Variants in SCLT1 observed in about 807,000 individuals in gnomAD.
SCLT1 encodes sodium channel and clathrin linker 1, also known as sodium channel-associated protein 1.
A neutral mutation model predicts 112.8 loss-of-function variants in SCLT1; 78 were observed. The observed-to-expected ratio is 0.69, with a 90% CI of 0.58 to 0.83. The LOEUF (loss-of-function observed/expected upper bound fraction) is 0.83. Among genes scored for constraint, SCLT1 ranks in the 40% least tolerant of loss-of-function variants. The probability of loss-of-function intolerance (pLI) is 0.00; values close to 1 mark genes in which losing one functional copy is unlikely to be tolerated. For synonymous variants in SCLT1, 257 were observed against 254.7 expected (o/e 1.01, Z -0.09); for missense variants, 747 against 770.4 (o/e 0.97, Z 0.36).
intron 17 of SCLT1, among the ~76,000 whole-genome samples, chr4:128,937,090 C>T (rs535883640): frequency 2.3e-4 from 35 of 151,872 alleles, no homozygotes; most frequent in Non-Finnish European, 4.9e-4. Flanking sequence ...GCAGCCTGAC[C>T]AACATGGTGA....
At chr4:128,959,530 T>C (rs980220287) in intron 12 of SCLT1, 70 bp downstream of exon 12, 10 of 1,131,826 alleles carry the variant, frequency 8.8e-6, no homozygotes, top group African/African-American at 1.5e-5. Context: ...ATTGAATCCC[T>C]TACTGTGAGG....
chr4:128,881,948 C>T (rs569385041), downstream of SCLT1, among the ~76,000 whole-genome samples: 8 of 152,136 alleles, frequency 5.3e-5, no homozygotes, highest in South Asian at 2.1e-4. Context: ...TATCTAAGTA[C>T]GCAAGGAGAT....
chr4:129,042,863 A>T (rs533363368), intron 4 of SCLT1, among the ~76,000 whole-genome samples: 1 of 152,134 alleles, frequency 6.6e-6, no homozygotes, highest in South Asian at 2.1e-4. Flanking sequence ...TCACGAGGTC[A>T]GGAGATCGAG....
rs940392805 is a variant in SCLT1 at position 128,996,948 on chromosome 4, A to T, written c.615+926T>A. Among the ~76,000 whole-genome samples, 11 of 152,042 alleles carry T rather than the reference A, an allele frequency of 7.2e-5. 1 individual carries two copies. The South Asian group carries it at 2.1e-3, about 29-fold the overall frequency. On this transcript the variant is annotated intron_variant, in intron 8 of 20. Coordinates refer to ENST00000281142, the MANE Select transcript of SCLT1 (RefSeq NM_144643.4). Reference sequence around the variant, plus strand: ...CATATTGAAGAAGTAATGAATAATTATGATGCTAGGTTAAAGTACTAATTC... The same window carrying T: ...CATATTGAAGAAGTAATGAATAATTTTGATGCTAGGTTAAAGTACTAATTC...
chr4:128,936,913 T>C, intron 17 of SCLT1, 62 bp from the exon 18 acceptor site: 1 of 673,870 alleles, frequency 1.5e-6, no homozygotes, highest in Non-Finnish European at 2.3e-6. Flanking sequence ...TACAGATCAA[T>C]GATATATACA....
At chr4:128,929,544 A>T (rs1050808084) in intron 18 of SCLT1, among the ~76,000 whole-genome samples, 3 of 152,254 alleles carry the variant, frequency 2.0e-5, no homozygotes, top group African/African-American at 7.2e-5. Context: ...AAATGGCTGT[A>T]ATTAGGTATC....
chr4:128,941,907 C>T (rs577966316), intron 17 of SCLT1, among the ~76,000 whole-genome samples: 1 of 152,076 alleles, frequency 6.6e-6, no homozygotes, highest in East Asian at 1.9e-4. Flanking sequence ...AGCCAGTTTT[C>T]CCCCCACTGA....
intron 5 of SCLT1, among the ~76,000 whole-genome samples, chr4:129,031,794 C>T (rs1468167826): frequency 6.6e-6 from 1 of 151,320 alleles, no homozygotes; most frequent in Non-Finnish European, 1.5e-5. Flanking sequence ...CAAACCACTG[C>T]TCAAGAGAGG....
chr4:128,995,662 G>T (rs1742952203), intron 8 of SCLT1, among the ~76,000 whole-genome samples: 1 of 152,118 alleles, frequency 6.6e-6, no homozygotes, highest in Non-Finnish European at 1.5e-5. Context: ...GATGCTGGCA[G>T]CTGTGGCTTT....
chr4:128,880,670 A>G (rs1042416619), downstream of SCLT1, among the ~76,000 whole-genome samples: 1 of 152,220 alleles, frequency 6.6e-6, no homozygotes, highest in Non-Finnish European at 1.5e-5. Context: ...CAAAAAAGCT[A>G]ACATAATTTT....
chr4:128,928,732 T>C (rs1736506675), intron 18 of SCLT1, among the ~76,000 whole-genome samples: 1 of 152,026 alleles, frequency 6.6e-6, no homozygotes, highest in African/African-American at 2.4e-5. Context: ...CTTGGGAGGC[T>C]GAGGCAGGAG....
chr4:129,049,530 A>C (rs1196464232), intron 2 of SCLT1, among the ~76,000 whole-genome samples: 1 of 149,826 alleles, frequency 6.7e-6, no homozygotes, highest in Non-Finnish European at 1.5e-5. Context: ...CCTAACGCTA[A>C]ATGACGAGTT....
intron 18 of SCLT1, among the ~76,000 whole-genome samples, chr4:128,893,831 G>A (rs1395954052): frequency 6.6e-6 from 1 of 152,174 alleles, no homozygotes; most frequent in East Asian, 1.9e-4. Flanking sequence ...GTGAGCCACT[G>A]TGCCCAGCCC....
chr4:129,037,103 G>C (rs933088107), intron 5 of SCLT1: 1 of 149,370 alleles, frequency 6.7e-6, no homozygotes, highest in Non-Finnish European at 1.5e-5. Flanking sequence ...TCTTACAGGA[G>C]ATACAAAGAA....
At chr4:128,967,586 T>C (rs2126027915) in intron 10 of SCLT1, among the ~76,000 whole-genome samples, 1 of 152,352 alleles carries the variant, frequency 6.6e-6, no homozygotes, top group South Asian at 2.1e-4. Flanking sequence ...GCGATTTTGA[T>C]TTGCATTTTT....
At chr4:128,891,254 A>C in intron 18 of SCLT1, 117 bp from the exon 19 acceptor site, 1 of 732,596 alleles carries the variant, frequency 1.4e-6, no homozygotes, top group Non-Finnish European at 2.3e-6. Context: ...GGTGGAAAAT[A>C]AAGTCACTTA....
Position 128,998,094 on chromosome 4 carries a change from A to C in SCLT1, c.550-155T>G, listed in dbSNP as rs1743163565. On this transcript the variant is annotated intron_variant, in intron 7 of 20. Transcript: ENST00000281142. ...TACTATTGTGTGAATTAGTAGTTGAAAAACTAAGAAATTTTTTAAATGATT... is the reference window on the plus strand; with the variant it reads ...TACTATTGTGTGAATTAGTAGTTGACAAACTAAGAAATTTTTTAAATGATT... Among the ~76,000 whole-genome samples the C allele has an allele frequency of 2.0e-5, 3 of 151,882 alleles. No homozygotes were observed. The South Asian group carries it at 6.2e-4, about 31-fold the overall frequency.
At position 128,969,572 on chromosome 4, in the gene SCLT1, A is replaced by AAAAATAAAAT. The variant is rs748878885; in HGVS notation, c.777+796_777+805dup. 5.3e-3 allele frequency among the ~76,000 whole-genome samples: 811 copies of AAAAATAAAAT among 152,056 alleles called. 6 individuals are homozygous for AAAAATAAAAT. Among genetic ancestry groups the AAAAATAAAAT allele is most frequent in the Middle Eastern group, 0.034 (10 of 294 alleles). On this transcript the variant is annotated intron_variant, in intron 10 of 20. Transcript: ENST00000281142. ...GGGTGACACAGCGAGACTCTGACTC[A>AAAAATAAAAT]AAAATAAAATAAAATAAAATAAAAT...
chr4:128,899,675 G>A (rs1337544920), intron 18 of SCLT1, among the ~76,000 whole-genome samples: 1 of 152,102 alleles, frequency 6.6e-6, no homozygotes, highest in Admixed American at 6.6e-5. Flanking sequence ...TTCTGGCCAG[G>A]GCAATCAGGC....
Sources: gnomAD v4.1 joint callset for allele counts (sites outside exome capture counted in the v4.1 genomes callset) on GRCh38, gnomAD v4.1.1 for gene constraint, MANE v1.5 for transcripts, NCBI Gene and HGNC (gene_info 2026-07-23, HGNC 2026-07-21) for gene names.